Variants in TSNAX observed in about 807,000 individuals in gnomAD.
TSNAX encodes the protein translin-associated protein X.
In TSNAX, 12 loss-of-function variants were observed where a neutral mutation model predicts 33.0. The observed-to-expected ratio is 0.36, with a 90% CI of 0.23 to 0.59. The LOEUF is 0.59. Ranked by LOEUF, TSNAX falls within the 20% of genes least tolerant of loss-of-function variation. The probability of loss-of-function intolerance (pLI) is 0.74; values close to 1 mark genes in which losing one functional copy is unlikely to be tolerated. For synonymous variants in TSNAX, 110 were observed against 117.2 expected (o/e 0.94, Z 0.40); for missense variants, 267 against 341.3 (o/e 0.78, Z 1.72).
At chr1:231,562,883 A>G (rs1661204535) in intron 5 of TSNAX, among the ~76,000 whole-genome samples, 1 of 152,162 alleles carries the variant, frequency 6.6e-6, no homozygotes, top group Non-Finnish European at 1.5e-5. Context: ...AACATGCAGA[A>G]AAATAGAATG....
At chr1:231,560,420 T>TCCCC (rs1661021036) in intron 4 of TSNAX, among the ~76,000 whole-genome samples, 3 of 38,190 alleles carry the variant, frequency 7.9e-5, no homozygotes, top group African/African-American at 2.1e-4. Context: ...CCCCCCCCCT[T>TCCCC]TTTTTTTTTT....
At chr1:231,558,206 C>G (rs528224538) in intron 4 of TSNAX, among the ~76,000 whole-genome samples, 1 of 152,052 alleles carries the variant, frequency 6.6e-6, no homozygotes, top group Non-Finnish European at 1.5e-5. Flanking sequence ...ATTCCCTGCC[C>G]AAGGAGGTGG....
At chr1:231,550,109 A>T (rs1005360406) in intron 4 of TSNAX, among the ~76,000 whole-genome samples, 2 of 152,212 alleles carry the variant, frequency 1.3e-5, no homozygotes, top group African/African-American at 4.8e-5. Context: ...ACCTCAATGG[A>T]CTAATTTTAA....
chr1:231,546,145 A>G (rs116151716), intron 4 of TSNAX, among the ~76,000 whole-genome samples: 1 of 152,136 alleles, frequency 6.6e-6, no homozygotes, highest in African/African-American at 2.4e-5. Context: ...TAGAATGTAG[A>G]CTCTATAGAT....
At chr1:231,543,874 GA>G (rs1374404190) in intron 4 of TSNAX, among the ~76,000 whole-genome samples, 5 of 152,170 alleles carry the variant, frequency 3.3e-5, no homozygotes. Context: ...ACACAATAAA[GA>G]TGACTTCATG....
chr1:231,552,251 T>G (rs1660363506), intron 4 of TSNAX, among the ~76,000 whole-genome samples: 1 of 152,138 alleles, frequency 6.6e-6, no homozygotes, highest in Non-Finnish European at 1.5e-5. Context: ...ATCGTGCCAC[T>G]GTACTCCATC....
Position 231,564,701 on chromosome 1 carries a change from G to C in TSNAX, c.669G>C (p.Gln223His), listed in dbSNP as rs770843314. 4 of 1,614,094 alleles carry C rather than the reference G, an allele frequency of 2.5e-6. No homozygotes were observed. In the South Asian group the frequency reaches 4.4e-5, roughly 18 times the overall value. The change falls in exon 6 of 6, where the codon CAG becomes CAC. Residue 223 changes from glutamine to histidine, a missense_variant. Coordinates refer to ENST00000366639, the MANE Select transcript of TSNAX (RefSeq NM_005999.3). ...TTGAAGTGAGCCAGTTTTTACGTCA[G>C]GTTTATGATGGGTTTTCATTCATTG... ...TPFEVSQFLRQVYDGFSFIGN... is the reference protein window; with the variant it reads ...TPFEVSQFLRHVYDGFSFIGN...
chr1:231,552,153 C>G (rs1660354198), intron 4 of TSNAX, among the ~76,000 whole-genome samples: 1 of 152,112 alleles, frequency 6.6e-6, no homozygotes, highest in Non-Finnish European at 1.5e-5. Context: ...GGTGCGACAG[C>G]AGGCACTTAC....
At chr1:231,564,497 G>T (rs771373733) in intron 5 of TSNAX, 31 bp from the exon 6 acceptor site, 1 of 1,587,422 alleles carries the variant, frequency 6.3e-7, no homozygotes, top group Non-Finnish European at 8.6e-7. Flanking sequence ...GTGTGTGTGT[G>T]TGTTTTTGTT....
intron 2 of TSNAX, chr1:231,534,330 A>G (rs1184770975): frequency 1.3e-5 from 2 of 152,218 alleles, no homozygotes; most frequent in South Asian, 4.1e-4. Flanking sequence ...TAAAAACTAA[A>G]GTATATTTTA....
intron 4 of TSNAX, among the ~76,000 whole-genome samples, chr1:231,555,506 A>G (rs2124932905): frequency 6.6e-6 from 1 of 152,312 alleles, no homozygotes; most frequent in East Asian, 1.9e-4. Flanking sequence ...TGGTTGTACA[A>G]CATTATGAAT....
Position 231,528,726 on chromosome 1 carries a change from C to G in TSNAX, c.-85C>G, listed in dbSNP as rs578194598. ...AAGCGTTTTTCTGCAGGCTGTTTTCCCAGGTTCCCTCGGCCTGTACCTCGC... is the reference window on the plus strand; with the variant it reads ...AAGCGTTTTTCTGCAGGCTGTTTTCGCAGGTTCCCTCGGCCTGTACCTCGC... On this transcript the variant is annotated 5_prime_UTR_variant, in exon 1 of 6. Coordinates refer to ENST00000366639, the MANE Select transcript of TSNAX (RefSeq NM_005999.3). 48 of 1,556,512 alleles carry G rather than the reference C, an allele frequency of 3.1e-5. No homozygotes were observed. In the Middle Eastern group the frequency reaches 1.0e-3, roughly 32 times the overall value.
At chr1:231,555,639 G>A (rs1007828999) in intron 4 of TSNAX, among the ~76,000 whole-genome samples, 1 of 152,040 alleles carries the variant, frequency 6.6e-6, no homozygotes, top group Admixed American at 6.6e-5. Context: ...AAAATCAAAC[G>A]AATTCTAACC....
intron 1 of TSNAX, 48 bp from the exon 2 acceptor site, chr1:231,529,207 A>G: frequency 6.3e-7 from 1 of 1,593,786 alleles, no homozygotes; most frequent in Non-Finnish European, 8.6e-7. Context: ...GTGTTTTGCA[A>G]ACTCTTGGTG....
At chr1:231,546,352 A>T (rs1369363795) in intron 4 of TSNAX, among the ~76,000 whole-genome samples, 1 of 152,250 alleles carries the variant, frequency 6.6e-6, no homozygotes, top group African/African-American at 2.4e-5. Context: ...CTTCCGAAAG[A>T]AAGCAAGTTT....
At chr1:231,549,919 A>G (rs1231110854) in intron 4 of TSNAX, among the ~76,000 whole-genome samples, 1 of 152,204 alleles carries the variant, frequency 6.6e-6, no homozygotes, top group Non-Finnish European at 1.5e-5. Flanking sequence ...TGGAGGCCTC[A>G]AGTCTGAGAT....
chr1:231,558,111 C>T lies in TSNAX; in HGVS notation c.368-3017C>T, dbSNP rs563995177. 2.6e-5 allele frequency among the ~76,000 whole-genome samples: 4 copies of T among 152,198 alleles called. No homozygotes were observed. In the East Asian group the frequency reaches 7.7e-4, roughly 29 times the overall value. On this transcript the variant is annotated intron_variant, in intron 4 of 5. Coordinates refer to ENST00000366639, the MANE Select transcript of TSNAX (RefSeq NM_005999.3). ...CCATGCTGGAGAGGGTGGGCATGTC[C>T]CATCGGCTGGCAGAGACATTTGCTG...
chr1:231,562,421 T>C (rs1442559312), intron 5 of TSNAX, among the ~76,000 whole-genome samples: 3 of 152,086 alleles, frequency 2.0e-5, no homozygotes, highest in African/African-American at 4.8e-5. Context: ...CTTTAAGTTA[T>C]ATGAAGTGTA....
At chr1:231,552,904 C>T (rs1218978656) in intron 4 of TSNAX, among the ~76,000 whole-genome samples, 1 of 152,184 alleles carries the variant, frequency 6.6e-6, no homozygotes, top group Admixed American at 6.5e-5. Flanking sequence ...TCAGCTATGT[C>T]ATAGCATGTA....
Sources: allele counts gnomAD v4.1 joint callset (sites outside exome capture counted in the v4.1 genomes callset), GRCh38; gene constraint gnomAD v4.1.1; transcripts MANE v1.5; gene names NCBI Gene and HGNC (gene_info 2026-07-23, HGNC 2026-07-21).